UMAD1: variants seen among roughly 807,000 people sequenced by gnomAD.
UMAD1 encodes UBAP1-MVB12-associated (UMA)-domain containing protein 1.
In UMAD1, 8 loss-of-function variants were observed where a neutral mutation model predicts 6.1. The ratio of observed to expected loss-of-function variants is 1.30; its 90% CI spans 0.76 to 2.35. The LOEUF is 2.35. Ranked by LOEUF, UMAD1 falls within the 30% of genes most tolerant of loss-of-function variation. UMAD1 has a pLI of 0.00. For synonymous variants in UMAD1, 56 were observed against 31.4 expected, an observed-to-expected ratio of 1.78 and a Z score of -2.61; for missense variants, 130 against 78.4, an observed-to-expected ratio of 1.66 and a Z score of -2.49.
At chr7:7,799,520 A>G (rs1583833827) in intron 2 of UMAD1, among the ~76,000 whole-genome samples, 2 of 152,358 alleles carry the variant, frequency 1.3e-5, no homozygotes, top group Admixed American at 6.5e-5. Context: ...TTAACCAAAT[A>G]TAGTGTTTGT....
At chr7:7,652,309 T>C (rs1278488964) in intron 1 of UMAD1, among the ~76,000 whole-genome samples, 2 of 152,214 alleles carry the variant, frequency 1.3e-5, no homozygotes, top group African/African-American at 4.8e-5. Context: ...CCATTGATCA[T>C]GCAGTTCGTG....
intron 2 of UMAD1, among the ~76,000 whole-genome samples, chr7:7,717,116 G>A (rs540805098): frequency 6.7e-6 from 1 of 150,112 alleles, no homozygotes; most frequent in East Asian, 2.0e-4. Context: ...GAGTGCAATG[G>A]CATGATCTTG....
In UMAD1 at chr7:7,771,568, A is replaced by G. The variant is rs377133444; in HGVS notation, c.83-30102A>G. 5.9e-5 allele frequency among the ~76,000 whole-genome samples: 9 copies of G among 152,132 alleles called. No homozygotes were observed. The East Asian group carries it at 7.7e-4, about 13-fold the overall frequency. On this transcript the variant is annotated intron_variant, in intron 2 of 3. Coordinates refer to ENST00000682710, the MANE Select transcript of UMAD1 (RefSeq NM_001302348.2). ...ATCTGAACATTTTCTTGTACTTTAA[A>G]TCTCCATAATGTTTTATCACATTTG...
intron 3 of UMAD1, among the ~76,000 whole-genome samples, chr7:7,858,301 T>A (rs1420939874): frequency 6.6e-6 from 1 of 152,226 alleles, no homozygotes; most frequent in African/African-American, 2.4e-5. Context: ...GGGCTCGTAT[T>A]TTAAACCACC....
At chr7:7,778,269 TGTGTGTGAGAGA>T (rs1347461158) in intron 2 of UMAD1, among the ~76,000 whole-genome samples, 2 of 111,612 alleles carry the variant, frequency 1.8e-5, no homozygotes, top group African/African-American at 3.4e-5. Context: ...TGTGTGTGTG[TGTGTGTGAGAGA>T]GAGAGAGAGA....
chr7:7,669,847 T>C (rs1300564640), intron 1 of UMAD1, among the ~76,000 whole-genome samples: 3 of 152,208 alleles, frequency 2.0e-5, no homozygotes, highest in Non-Finnish European at 4.4e-5. Flanking sequence ...CTATAGTCTC[T>C]GCCTCCTTTG....
rs193033245 is a variant in UMAD1, at chr7:7,678,286, G to T, written c.82+4833G>T. 4.2e-3 allele frequency among the ~76,000 whole-genome samples: 635 copies of T among 151,212 alleles called. 15 individuals are homozygous for T. The highest frequency in any genetic ancestry group is 1.0e-3 in the Non-Finnish European group (68 of 67,806). ...TTTTGGATTAAAGCCATTTTAACTG[G>T]GTTGAGATGATATCTCATTTTGATT... On this transcript the variant is annotated intron_variant, in intron 2 of 3. Transcript: ENST00000682710.
At chr7:7,740,545 C>G (rs1781442112) in intron 2 of UMAD1, 1 of 152,154 alleles carries the variant, frequency 6.6e-6, no homozygotes, top group African/African-American at 2.4e-5. Flanking sequence ...TATTGCTTTT[C>G]TTCTAGAATT....
At chr7:7,789,617 T>TCCCCCCCCCCCCCCCCCC (rs201727587) in intron 2 of UMAD1, among the ~76,000 whole-genome samples, 1 of 101,042 alleles carries the variant, frequency 9.9e-6, no homozygotes, top group African/African-American at 3.7e-5. Context: ...AAATACCCCT[T>TCCCCCCCCCCCCCCCCCC]CTCCCCTCCC....
chr7:7,735,866 T>A (rs1172731036), intron 2 of UMAD1: 2 of 152,268 alleles, frequency 1.3e-5, no homozygotes, highest in Non-Finnish European at 2.9e-5. Flanking sequence ...GGTTTTTTGC[T>A]ATAGGAATTG....
intron 3 of UMAD1, among the ~76,000 whole-genome samples, chr7:7,851,307 G>C (rs1783911574): frequency 6.6e-6 from 1 of 152,058 alleles, no homozygotes; most frequent in South Asian, 2.1e-4. Flanking sequence ...CTATTCATCA[G>C]TCTATGAATA....
intron 2 of UMAD1, among the ~76,000 whole-genome samples, chr7:7,772,723 G>A (rs1178531286): frequency 6.6e-6 from 1 of 152,178 alleles, no homozygotes; most frequent in Non-Finnish European, 1.5e-5. Flanking sequence ...AAATGGAGCA[G>A]CTGCGCCCGT....
rs558543788 is a variant in UMAD1 at position 7,784,427 on chromosome 7, C to A, written c.83-17243C>A. On this transcript the variant is annotated intron_variant, in intron 2 of 3. Coordinates refer to ENST00000682710, the MANE Select transcript of UMAD1 (RefSeq NM_001302348.2). ...CTTGGCTCACTGCAAGCTCCGCCTCCCGGGTTCACGCCCTTCTCCTGCCTC... is the reference window on the plus strand; with the variant it reads ...CTTGGCTCACTGCAAGCTCCGCCTCACGGGTTCACGCCCTTCTCCTGCCTC... 2.0e-5 allele frequency among the ~76,000 whole-genome samples: 3 copies of A among 151,772 alleles called. No individual in the cohort carries two copies. In the East Asian group the frequency reaches 5.8e-4, roughly 29 times the overall value.
chr7:7,742,835 TACTATTCTTTCTGTCATAATAG>T (rs1781499179), intron 2 of UMAD1, among the ~76,000 whole-genome samples: 1 of 152,246 alleles, frequency 6.6e-6, no homozygotes, highest in Non-Finnish European at 1.5e-5. Flanking sequence ...ATAGAATATT[TACTATTCTTTCTGTCATAATAG>T]ACTTGCTTTA....
intron 3 of UMAD1, among the ~76,000 whole-genome samples, chr7:7,820,558 T>C (rs949807412): frequency 6.6e-6 from 1 of 152,222 alleles, no homozygotes; most frequent in African/African-American, 2.4e-5. Context: ...CTGTCACTTA[T>C]GTTTTGCTAA....
intron 2 of UMAD1, among the ~76,000 whole-genome samples, chr7:7,775,890 T>C (rs1432509894): frequency 1.3e-5 from 2 of 152,158 alleles, no homozygotes; most frequent in Non-Finnish European, 2.9e-5. Context: ...GATAGCAAAG[T>C]GGTTGCCTGG....
In UMAD1 at chr7:7,742,350, T is replaced by A. The variant is rs1035027778; in HGVS notation, c.83-59320T>A. 1.8e-5 allele frequency: 11 copies of A among 604,936 alleles called. No homozygotes were observed. The African/African-American group carries it at 1.8e-4, about 10-fold the overall frequency. 37.5% of individuals were successfully genotyped at this position (604,936 alleles called of 1,614,324 possible). ...GTGTAGTGGTTAAGCTTGTTTCTCC[T>A]GGGGGCGCTCTTCCGAGGATATCTG... On this transcript the variant is annotated intron_variant, in intron 2 of 3. Coordinates refer to ENST00000682710, the MANE Select transcript of UMAD1 (RefSeq NM_001302348.2).
At chr7:7,728,880 A>C (rs923748593) in intron 2 of UMAD1, among the ~76,000 whole-genome samples, 36 of 152,314 alleles carry the variant, frequency 2.4e-4, no homozygotes, top group African/African-American at 8.4e-4. Context: ...TTTGCTGGGC[A>C]TTAGGAATGT....
At chr7:7,774,006 G>A (rs1782152638) in intron 2 of UMAD1, among the ~76,000 whole-genome samples, 1 of 152,162 alleles carries the variant, frequency 6.6e-6, no homozygotes, top group African/African-American at 2.4e-5. Flanking sequence ...CCTCACCACA[G>A]ACCCTAAGAA....
Sources: allele counts gnomAD v4.1 joint callset (sites outside exome capture counted in the v4.1 genomes callset), GRCh38; gene constraint gnomAD v4.1.1; transcripts MANE v1.5; gene names NCBI Gene and HGNC (gene_info 2026-07-23, HGNC 2026-07-21).